Variants in ASTN2 observed in about 807,000 individuals in gnomAD.
ASTN2 encodes the protein astrotactin 2.
ASTN2 carries 54 observed loss-of-function variants against 139.8 expected under a neutral mutation model. The observed-to-expected ratio is 0.39, with a 90% CI of 0.31 to 0.48. ASTN2 has a LOEUF of 0.48. ASTN2 is among the 20% of genes least tolerant of loss of function. The probability of loss-of-function intolerance (pLI) is 0.95; values close to 1 mark genes in which losing one functional copy is unlikely to be tolerated. For synonymous variants in ASTN2, 756 were observed against 719.5 expected, an observed-to-expected ratio of 1.05 and a Z score of -0.81; for missense variants, 1,565 against 1,725.1, an observed-to-expected ratio of 0.91 and a Z score of 1.64.
chr9:117,016,196 G>C (rs1187372655), intron 6 of ASTN2, among the ~76,000 whole-genome samples: 1 of 152,038 alleles, frequency 6.6e-6, no homozygotes, highest in Non-Finnish European at 1.5e-5. Context: ...TCAAGGCAAG[G>C]GGCAGGGGAG....
intron 1 of ASTN2, among the ~76,000 whole-genome samples, chr9:117,309,449 C>T (rs1158826804): frequency 6.6e-6 from 1 of 152,200 alleles, no homozygotes; most frequent in Non-Finnish European, 1.5e-5. Flanking sequence ...AAGATCAATA[C>T]TGTTTGCAGA....
intron 10 of ASTN2, among the ~76,000 whole-genome samples, chr9:116,974,707 C>T (rs771044784): frequency 1.3e-5 from 2 of 152,038 alleles, no homozygotes; most frequent in Non-Finnish European, 2.9e-5. Context: ...CCAAGTTTCA[C>T]CATGTTGGCC....
At chr9:116,907,654 G>T (rs138220812) in intron 10 of ASTN2, among the ~76,000 whole-genome samples, 1 of 152,162 alleles carries the variant, frequency 6.6e-6, no homozygotes. Context: ...CACCTGTACC[G>T]TGCTCAGGGA....
chr9:117,098,369 C>T lies in ASTN2; in HGVS notation c.1169-2218G>A, dbSNP rs187984808. ...AAACCAGGTGGAACTAATGCCCAAG[C>T]TCAAATTTCTAGCCACTTATGATGC... On this transcript the variant is annotated intron_variant, in intron 4 of 22. Transcript: ENST00000313400. Among the ~76,000 whole-genome samples the T allele has an allele frequency of 3.9e-5, 6 of 152,264 alleles. No individual in the cohort carries two copies. The East Asian group carries it at 1.2e-3, about 29-fold the overall frequency.
intron 4 of ASTN2, among the ~76,000 whole-genome samples, chr9:117,138,827 C>T (rs1830009958): frequency 6.6e-6 from 1 of 152,132 alleles, no homozygotes; most frequent in Non-Finnish European, 1.5e-5. Flanking sequence ...TGAAATTCTT[C>T]TCTAAGAGGG....
chr9:117,122,546 A>G (rs1300630811), intron 4 of ASTN2, among the ~76,000 whole-genome samples: 2 of 152,202 alleles, frequency 1.3e-5, no homozygotes, highest in Non-Finnish European at 2.9e-5. Context: ...ACTGCTAAGC[A>G]ATGGGCAGCA....
At chr9:116,602,744 CA>C (rs1319384805) in intron 19 of ASTN2, among the ~76,000 whole-genome samples, 2 of 152,080 alleles carry the variant, frequency 1.3e-5, no homozygotes, top group African/African-American at 4.8e-5. Context: ...GCCTGGGCAA[CA>C]TGATGAATCC....
At chr9:117,312,491 A>G (rs1828005590) in intron 1 of ASTN2, among the ~76,000 whole-genome samples, 1 of 152,144 alleles carries the variant, frequency 6.6e-6, no homozygotes, top group African/African-American at 2.4e-5. Context: ...TAGCCTTCTA[A>G]TTTTAGTAAG....
chr9:116,971,479 C>T (rs1414247525), intron 10 of ASTN2, among the ~76,000 whole-genome samples: 1 of 152,200 alleles, frequency 6.6e-6, no homozygotes, highest in African/African-American at 2.4e-5. Flanking sequence ...TCCCCTAGGG[C>T]ACTCTATGTT....
chr9:117,067,485 T>C (rs28896241), intron 5 of ASTN2, among the ~76,000 whole-genome samples: 24,349 of 104,676 alleles, frequency 0.23, 3,824 homozygotes, highest in East Asian at 0.48. Context: ...GACTTGGCGA[T>C]GCGGGCTCTT....
chr9:116,453,286 C>A (rs1362832072), intron 20 of ASTN2, among the ~76,000 whole-genome samples: 3 of 152,140 alleles, frequency 2.0e-5, no homozygotes, highest in Non-Finnish European at 4.4e-5. Flanking sequence ...ATACTTGCCT[C>A]ACAAGATTGT....
chr9:116,520,962 C>A (rs1850844753), intron 19 of ASTN2, among the ~76,000 whole-genome samples: 1 of 151,946 alleles, frequency 6.6e-6, no homozygotes, highest in Non-Finnish European at 1.5e-5. Flanking sequence ...ATGTGAAAGA[C>A]CTCTACATGG....
At chr9:117,243,292 A>T (rs1303489166) in intron 2 of ASTN2, among the ~76,000 whole-genome samples, 1 of 152,236 alleles carries the variant, frequency 6.6e-6, no homozygotes, top group Non-Finnish European at 1.5e-5. Context: ...TAATTATTTA[A>T]TTCTCATAAC....
intron 12 of ASTN2, among the ~76,000 whole-genome samples, chr9:116,819,821 CTA>C (rs897821683): frequency 5.9e-5 from 9 of 152,282 alleles, no homozygotes; most frequent in Admixed American, 3.9e-4. Flanking sequence ...GGACCAAATG[CTA>C]TATGCAAGGT....
At chr9:116,462,701 T>C (rs1848525157) in intron 20 of ASTN2, among the ~76,000 whole-genome samples, 1 of 152,042 alleles carries the variant, frequency 6.6e-6, no homozygotes. Flanking sequence ...ATTCTTTTCC[T>C]TGGGTTAAGG....
intron 13 of ASTN2, among the ~76,000 whole-genome samples, chr9:116,740,715 T>C (rs1416379107): frequency 6.6e-6 from 1 of 151,840 alleles, no homozygotes; most frequent in East Asian, 1.9e-4. Flanking sequence ...GGGGTTTCAC[T>C]GTGTTAGCCA....
intron 16 of ASTN2, among the ~76,000 whole-genome samples, chr9:116,714,171 A>C (rs1033317656): frequency 6.6e-6 from 1 of 152,200 alleles, no homozygotes; most frequent in Admixed American, 6.5e-5. Context: ...TCAGCTGTGC[A>C]AACATGCTCC....
At chr9:116,964,258 C>T (rs13284904) in intron 10 of ASTN2, among the ~76,000 whole-genome samples, 5,021 of 59,006 alleles carry the variant, frequency 0.085, 183 homozygotes, top group African/African-American at 0.15. Flanking sequence ...TGTGTGTGTG[C>T]GCGCGCGCGC....
intron 19 of ASTN2, among the ~76,000 whole-genome samples, chr9:116,493,885 C>A (rs1337076526): frequency 6.6e-6 from 1 of 152,104 alleles, no homozygotes; most frequent in Non-Finnish European, 1.5e-5. Context: ...TCGGGAAACA[C>A]CAAGAGGATT....
Sources: gnomAD v4.1 joint callset for allele counts (sites outside exome capture counted in the v4.1 genomes callset) on GRCh38, gnomAD v4.1.1 for gene constraint, MANE v1.5 for transcripts, NCBI Gene and HGNC (gene_info 2026-07-23, HGNC 2026-07-21) for gene names.